Variants in SLBP observed in about 807,000 individuals in gnomAD.
The protein encoded by SLBP is histone RNA hairpin-binding protein.
A neutral mutation model predicts 39.2 loss-of-function variants in SLBP; 29 were observed. That is an observed-to-expected ratio of 0.74 (90% CI 0.55 to 1.01). SLBP has a LOEUF of 1.01. SLBP is among the 50% of genes least tolerant of loss of function. The pLI is 0.00. For synonymous variants in SLBP, 129 were observed against 118.7 expected, an observed-to-expected ratio of 1.09 and a Z score of -0.57; for missense variants, 390 against 350.2, an observed-to-expected ratio of 1.11 and a Z score of -0.91.
intron 2 of SLBP, among the ~76,000 whole-genome samples, chr4:1,710,165 C>T (rs1479780095): frequency 1.3e-5 from 2 of 152,246 alleles, no homozygotes; most frequent in East Asian, 3.8e-4. Flanking sequence ...AGGCAGGAGC[C>T]ACTGCGCCCA....
chr4:1,699,426 C>A, intron 5 of SLBP, 138 bp downstream of exon 5: 1 of 663,252 alleles, frequency 1.5e-6, no homozygotes. Context: ...ACGTCATAAG[C>A]CCCAGTAAGT....
chr4:1,704,575 C>G (rs1716448570), intron 2 of SLBP, among the ~76,000 whole-genome samples: 1 of 152,184 alleles, frequency 6.6e-6, no homozygotes, highest in South Asian at 2.1e-4. Context: ...GCGGGCACAT[C>G]TAGACAGATG....
chr4:1,710,544 C>G (rs996357702), intron 2 of SLBP, among the ~76,000 whole-genome samples: 3 of 152,184 alleles, frequency 2.0e-5, no homozygotes, highest in African/African-American at 4.8e-5. Context: ...GTGCCTTTCT[C>G]CAGAGATGAC....
intron 7 of SLBP, among the ~76,000 whole-genome samples, chr4:1,694,432 C>G (rs959743822): frequency 1.3e-5 from 2 of 150,052 alleles, no homozygotes; most frequent in African/African-American, 4.9e-5. Flanking sequence ...TGCTCTGTTG[C>G]CCAGGCTGGA....
chr4:1,696,433 G>T, intron 5 of SLBP, 82 bp from the exon 6 acceptor site: 1 of 1,188,648 alleles, frequency 8.4e-7, no homozygotes, highest in Non-Finnish European at 1.2e-6. Context: ...CAAACTATGA[G>T]ATTAGTATTA....
At chr4:1,706,341 T>G (rs1418208051) in intron 2 of SLBP, among the ~76,000 whole-genome samples, 1 of 152,172 alleles carries the variant, frequency 6.6e-6, no homozygotes, top group Non-Finnish European at 1.5e-5. Flanking sequence ...CGCATGTAAT[T>G]AATAATTCAG....
chr4:1,701,146 C>CTTTTTT (rs369039404), intron 3 of SLBP, among the ~76,000 whole-genome samples: 2 of 123,676 alleles, frequency 1.6e-5, no homozygotes, highest in Non-Finnish European at 3.3e-5. Flanking sequence ...TCTTTTTTTT[C>CTTTTTT]TTTTTTTTTT....
chr4:1,700,654 G>A (rs1716290690), intron 3 of SLBP, among the ~76,000 whole-genome samples: 1 of 151,852 alleles, frequency 6.6e-6, no homozygotes, highest in Non-Finnish European at 1.5e-5. Flanking sequence ...CATATTCCTG[G>A]GCTGAAGCAA....
chr4:1,698,476 A>G (rs1716205232), intron 5 of SLBP, among the ~76,000 whole-genome samples: 1 of 137,154 alleles, frequency 7.3e-6, no homozygotes, highest in South Asian at 2.4e-4. Flanking sequence ...AAAAAAGTAA[A>G]AAAAAAAAAA....
intron 3 of SLBP, among the ~76,000 whole-genome samples, chr4:1,702,265 C>T (rs974204693): frequency 6.6e-6 from 1 of 152,200 alleles, no homozygotes; most frequent in Non-Finnish European, 1.5e-5. Context: ...TCACTAAAAA[C>T]ACTGGTACTC....
chr4:1,699,422 T>G (rs966812123), intron 5 of SLBP, 142 bp downstream of exon 5: 7 of 636,010 alleles, frequency 1.1e-5, no homozygotes, highest in Non-Finnish European at 1.6e-5. Flanking sequence ...ATTTACGTCA[T>G]AAGCCCCAGT....
intron 5 of SLBP, 73 bp downstream of exon 5, chr4:1,699,491 C>T (rs1716243928): frequency 1.4e-6 from 2 of 1,472,746 alleles, no homozygotes; most frequent in East Asian, 2.3e-5. Context: ...ATTTGTACTA[C>T]CCAATCTAAG....
intron 2 of SLBP, among the ~76,000 whole-genome samples, chr4:1,704,336 A>G (rs1394864884): frequency 6.6e-6 from 1 of 152,156 alleles, no homozygotes. Context: ...GGTTAACCTT[A>G]TCTCATTGAT....
In SLBP at chr4:1,700,213, G is replaced by A; in HGVS notation, c.282-143C>T. The A allele has an allele frequency of 2.8e-5, 12 of 425,598 alleles. No homozygotes were observed. The South Asian group carries it at 3.3e-4, about 12-fold the overall frequency. The allele number at this position is 425,598 out of a possible 1,614,324, so 26.4% of individuals were successfully genotyped here. A position where few individuals can be genotyped will look rare whatever the true frequency, so the allele number is the denominator to read the frequency against. On this transcript the variant is annotated intron_variant, in intron 3 of 7. Coordinates refer to ENST00000489418, the MANE Select transcript of SLBP (RefSeq NM_006527.4). ...CGTGGGCCAAAAGAAATCTTTGTCA[G>A]GTTCAGTTTAAGTAGTGAGATCCAC...
At chr4:1,695,342 T>C (rs945486278) in intron 6 of SLBP, among the ~76,000 whole-genome samples, 1 of 152,166 alleles carries the variant, frequency 6.6e-6, no homozygotes, top group Non-Finnish European at 1.5e-5. Context: ...GTTTAAAGAA[T>C]GTGTCTGAGG....
At chr4:1,709,660 G>A (rs1716659171) in intron 2 of SLBP, among the ~76,000 whole-genome samples, 1 of 148,366 alleles carries the variant, frequency 6.7e-6, no homozygotes, top group Non-Finnish European at 1.5e-5. Context: ...TGCCCCAGCT[G>A]GAGTGTAGTG....
At chr4:1,701,654 C>G (rs1161356397) in intron 3 of SLBP, among the ~76,000 whole-genome samples, 1 of 152,156 alleles carries the variant, frequency 6.6e-6, no homozygotes, top group Non-Finnish European at 1.5e-5. Flanking sequence ...CGCCTATAAT[C>G]CCAACACTTT....
chr4:1,701,239 G>A (rs528308690), intron 3 of SLBP, among the ~76,000 whole-genome samples: 7 of 143,254 alleles, frequency 4.9e-5, no homozygotes, highest in South Asian at 2.3e-4. Flanking sequence ...TCCGCCTCCC[G>A]GGTCCAAGCG....
At chr4:1,696,661 G>A (rs990409883) in intron 5 of SLBP, among the ~76,000 whole-genome samples, 6 of 152,124 alleles carry the variant, frequency 3.9e-5, no homozygotes, top group African/African-American at 1.4e-4. Flanking sequence ...ATTTTGGGAG[G>A]CCAAGGTGGG....
Sources: gnomAD v4.1 joint callset for allele counts (sites outside exome capture counted in the v4.1 genomes callset) on GRCh38, gnomAD v4.1.1 for gene constraint, MANE v1.5 for transcripts, NCBI Gene and HGNC (gene_info 2026-07-23, HGNC 2026-07-21) for gene names.